The following FER variants were observed in gnomAD, a reference collection of about 807,000 sequenced individuals.
FER encodes the protein FER tyrosine kinase, also known as tyrosine-protein kinase Fer.
Under a neutral mutation model 111.0 loss-of-function variants are expected in FER, and 63 were observed. The ratio of observed to expected loss-of-function variants is 0.57; its 90% CI spans 0.46 to 0.70. The LOEUF is 0.70. FER is among the 30% of genes least tolerant of loss of function. The pLI, the probability that FER is intolerant of heterozygous loss-of-function variation, is 0.00. For synonymous variants in FER, 327 were observed against 313.9 expected (o/e 1.04, Z -0.44); for missense variants, 914 against 954.0 (o/e 0.96, Z 0.55).
chr5:108,991,047 G>T (rs982427932), intron 13 of FER, among the ~76,000 whole-genome samples: 3 of 151,208 alleles, frequency 2.0e-5, no homozygotes, highest in Non-Finnish European at 4.4e-5. Context: ...TATAGTATAT[G>T]TATATATACA....
chr5:109,054,805 ATATCCAGTT>A (rs1773416137), intron 16 of FER, among the ~76,000 whole-genome samples: 4 of 152,142 alleles, frequency 2.6e-5, no homozygotes, highest in Non-Finnish European at 4.4e-5. Context: ...TGGCATGTGG[ATATCCAGTT>A]TTTCCAGCAC....
chr5:109,011,748 C>G (rs1377576639), intron 13 of FER, among the ~76,000 whole-genome samples: 1 of 152,168 alleles, frequency 6.6e-6, no homozygotes, highest in Non-Finnish European at 1.5e-5. Context: ...CCCAATAAAT[C>G]TACAGACCTG....
chr5:108,787,077 G>T (rs953903766), intron 2 of FER, among the ~76,000 whole-genome samples: 18 of 152,186 alleles, frequency 1.2e-4, no homozygotes, highest in Non-Finnish European at 2.5e-4. Flanking sequence ...GGGTGCAGCT[G>T]CAGCTGCCCA....
chr5:109,087,016 G>A (rs1299581534), intron 16 of FER, among the ~76,000 whole-genome samples: 1 of 147,426 alleles, frequency 6.8e-6, no homozygotes, highest in Non-Finnish European at 1.5e-5. Flanking sequence ...TTACCCTGGG[G>A]ACTTCATTTT....
chr5:109,042,949 A>T (rs1771389387), intron 14 of FER, among the ~76,000 whole-genome samples: 1 of 152,194 alleles, frequency 6.6e-6, no homozygotes, highest in Admixed American at 6.5e-5. Flanking sequence ...AGTATAATCA[A>T]AGTTTTCTCT....
intron 5 of FER, among the ~76,000 whole-genome samples, chr5:108,863,662 C>A (rs1324151348): frequency 6.6e-6 from 1 of 151,964 alleles, no homozygotes; most frequent in African/African-American, 2.4e-5. Flanking sequence ...GATAAATCTT[C>A]TCTAGGGATT....
At chr5:108,823,761 G>A (rs931868418) in intron 3 of FER, among the ~76,000 whole-genome samples, 21 of 152,176 alleles carry the variant, frequency 1.4e-4, no homozygotes, top group African/African-American at 5.1e-4. Flanking sequence ...CCTTTGCTGT[G>A]TAGAAGCTTT....
In FER at chr5:109,187,806, T is replaced by C. The variant is rs1759049249; in HGVS notation, c.*231T>C. 1.9e-6 allele frequency: 1 copy of C among 530,862 alleles called. No individual in the cohort carries two copies. 32.9% of individuals were successfully genotyped at this position (530,862 alleles called of 1,614,324 possible). A position where few individuals can be genotyped will look rare whatever the true frequency, so the allele number is the denominator to read the frequency against. On this transcript the variant is annotated 3_prime_UTR_variant, in exon 20 of 20. Coordinates refer to ENST00000281092, the MANE Select transcript of FER (RefSeq NM_005246.4). The stretch of plus-strand genomic sequence containing the variant: ...CTTTCTTAGCTAACCATAGCAATCC[T>C]ACCATTTCAGGCCATTGCAAATAGA...
intron 2 of FER, among the ~76,000 whole-genome samples, chr5:108,775,331 A>G (rs1275570920): frequency 6.6e-6 from 1 of 152,068 alleles, no homozygotes; most frequent in Non-Finnish European, 1.5e-5. Flanking sequence ...TTGTCTAGTT[A>G]TTTTTACTAC....
chr5:108,844,091 A>AACATGTGTGTGAAC (rs1761589659), intron 5 of FER, among the ~76,000 whole-genome samples: 1 of 121,440 alleles, frequency 8.2e-6, no homozygotes, highest in African/African-American at 3.7e-5. Flanking sequence ...TATGCGTGTG[A>AACATGTGTGTGAAC]ACATATGTGT....
chr5:109,183,496 G>A (rs567317324), intron 18 of FER, among the ~76,000 whole-genome samples: 14 of 152,204 alleles, frequency 9.2e-5, no homozygotes, highest in Middle Eastern at 3.4e-3. Flanking sequence ...TGATCCACCC[G>A]CCTTGGCCTT....
intron 16 of FER, among the ~76,000 whole-genome samples, chr5:109,061,412 A>G (rs9885590): frequency 0.011 from 1,666 of 152,264 alleles, 32 homozygotes; most frequent in African/African-American, 0.037. Flanking sequence ...CAGTTATTCT[A>G]CTAGAAGTTA....
intron 9 of FER, among the ~76,000 whole-genome samples, chr5:108,895,363 A>G (rs1010630225): frequency 1.3e-5 from 2 of 152,182 alleles, no homozygotes; most frequent in Non-Finnish European, 2.9e-5. Flanking sequence ...AAAACAACAC[A>G]GATTTATTCT....
intron 5 of FER, among the ~76,000 whole-genome samples, chr5:108,851,579 A>G (rs1762550837): frequency 6.6e-6 from 1 of 152,214 alleles, no homozygotes; most frequent in African/African-American, 2.4e-5. Flanking sequence ...AACAAAAATT[A>G]AGAGTAAATA....
chr5:108,756,359 T>C (rs1291703366), intron 1 of FER, among the ~76,000 whole-genome samples: 2 of 151,978 alleles, frequency 1.3e-5, no homozygotes, highest in Non-Finnish European at 2.9e-5. Context: ...AGGTATCACC[T>C]TTTTTCTTTG....
intron 16 of FER, among the ~76,000 whole-genome samples, chr5:109,082,229 G>T (rs1777067139): frequency 6.6e-6 from 1 of 151,956 alleles, no homozygotes; most frequent in Non-Finnish European, 1.5e-5. Context: ...TGTCACAGGA[G>T]ACATTTTGTG....
chr5:109,127,969 G>T (rs947684912), intron 17 of FER, among the ~76,000 whole-genome samples: 23 of 151,894 alleles, frequency 1.5e-4, no homozygotes, highest in Non-Finnish European at 3.2e-4. Flanking sequence ...ATTTTATCTT[G>T]TTTTTACAGT....
chr5:109,161,733 T>A (rs1018283634), intron 17 of FER, among the ~76,000 whole-genome samples: 7 of 152,150 alleles, frequency 4.6e-5, no homozygotes, highest in African/African-American at 1.7e-4. Context: ...GTAGAACGAT[T>A]TTATTCCTTT....
At chr5:108,971,732 T>C (rs1201814038) in intron 13 of FER, among the ~76,000 whole-genome samples, 1 of 152,134 alleles carries the variant, frequency 6.6e-6, no homozygotes, top group Non-Finnish European at 1.5e-5. Flanking sequence ...CTGAATAGAA[T>C]AGTAAAATTC....
Sources: allele counts gnomAD v4.1 joint callset (sites outside exome capture counted in the v4.1 genomes callset), GRCh38; gene constraint gnomAD v4.1.1; transcripts MANE v1.5; gene names NCBI Gene and HGNC (gene_info 2026-07-23, HGNC 2026-07-21).